The following ADAMTS6 variants were observed in gnomAD, a reference collection of about 807,000 sequenced individuals.
ADAMTS6 encodes ADAM metallopeptidase with thrombospondin type 1 motif 6.
ADAMTS6 carries 23 observed loss-of-function variants against 144.3 expected under a neutral mutation model. The ratio of observed to expected loss-of-function variants is 0.16; its 90% confidence interval spans 0.11 to 0.23. ADAMTS6 has a LOEUF of 0.23. Among genes scored for constraint, ADAMTS6 ranks in the 10% least tolerant of loss-of-function variants. The probability of loss-of-function intolerance (pLI) is 1.00; values close to 1 mark genes in which losing one functional copy is unlikely to be tolerated. For synonymous variants in ADAMTS6, 444 were observed against 457.5 expected, an observed-to-expected ratio of 0.97 and a Z score of 0.38; for missense variants, 999 against 1,379.6, an observed-to-expected ratio of 0.72 and a Z score of 4.37.
intron 7 of ADAMTS6, among the ~76,000 whole-genome samples, chr5:65,418,711 A>G (rs530047996): frequency 3.3e-5 from 5 of 152,332 alleles, no homozygotes; most frequent in African/African-American, 1.2e-4. Context: ...ACAAGAAAAT[A>G]AATAACAGCA....
chr5:65,197,598 TCCC>T (rs1263646889), intron 20 of ADAMTS6, among the ~76,000 whole-genome samples: 1 of 152,172 alleles, frequency 6.6e-6, no homozygotes, highest in East Asian at 1.9e-4. Context: ...GTAGAACAAA[TCCC>T]ATCTATTTAG....
chr5:65,152,168 G>T (rs1368086292), intron 24 of ADAMTS6, among the ~76,000 whole-genome samples: 1 of 152,038 alleles, frequency 6.6e-6, no homozygotes, highest in Non-Finnish European at 1.5e-5. Flanking sequence ...AAAAATGTTT[G>T]CAAGGCTTTC....
At chr5:65,220,715 C>A (rs1159273930) in intron 18 of ADAMTS6, among the ~76,000 whole-genome samples, 2 of 152,026 alleles carry the variant, frequency 1.3e-5, no homozygotes, top group Admixed American at 6.5e-5. Flanking sequence ...CCACTGCACT[C>A]CAGCCTGGGC....
chr5:65,381,869 G>A (rs968738979), intron 7 of ADAMTS6, among the ~76,000 whole-genome samples: 2 of 152,028 alleles, frequency 1.3e-5, no homozygotes, highest in African/African-American at 4.8e-5. Flanking sequence ...CAGAGTAAAA[G>A]CTCACTTGAT....
At chr5:65,349,833 AAC>A (rs1372229130) in intron 7 of ADAMTS6, among the ~76,000 whole-genome samples, 1 of 151,820 alleles carries the variant, frequency 6.6e-6, no homozygotes, top group African/African-American at 2.4e-5. Flanking sequence ...CCAGCTGTGC[AAC>A]AGAGTGAGAC....
chr5:65,272,392 G>A (rs1211590551), intron 12 of ADAMTS6, among the ~76,000 whole-genome samples: 1 of 151,950 alleles, frequency 6.6e-6, no homozygotes, highest in East Asian at 1.9e-4. Flanking sequence ...CTCTCACTTT[G>A]TTGCATAGGA....
rs79190222 is a variant in ADAMTS6 at position 65,152,414 on chromosome 5, G to A, written c.3245-469C>T. Among the ~76,000 whole-genome samples, 1,395 of 152,338 alleles carry A rather than the reference G, an allele frequency of 9.2e-3. 24 individuals carry two copies. Among genetic ancestry groups the A allele is most frequent in the African/African-American group, 0.032 (1,342 of 41,560 alleles). ...GTCTCCAGAGAATCTCTGCATCTGT[G>A]AGGCGTGGGGATGGGCCTGGGTGAA... On this transcript the variant is annotated intron_variant, in intron 24 of 24. Transcript: ENST00000381055.
chr5:65,317,941 G>C (rs1186058837), intron 9 of ADAMTS6, among the ~76,000 whole-genome samples: 5 of 151,910 alleles, frequency 3.3e-5, no homozygotes, highest in Admixed American at 1.3e-4. Flanking sequence ...CGGGTGTGGT[G>C]GTGGGCCCCT....
At chr5:65,437,600 G>T (rs904469514) in intron 7 of ADAMTS6, among the ~76,000 whole-genome samples, 1 of 152,038 alleles carries the variant, frequency 6.6e-6, no homozygotes, top group Non-Finnish European at 1.5e-5. Context: ...TCATCCTTTG[G>T]TATACTCTCA....
Position 65,473,881 on chromosome 5 carries a change from A to C in ADAMTS6, c.-208T>G. ...ATTTTCTCAATCCAAAATGAAAAAA[A>C]TAATGATGGTAAAAGTTTTCATAAG... On this transcript the variant is annotated 5_prime_UTR_variant, in exon 2 of 25. Transcript: ENST00000381055. 1.9e-6 allele frequency: 1 copy of C among 535,302 alleles called. No homozygotes were observed. The highest frequency in any genetic ancestry group is 3.2e-5 in the Admixed American group (1 of 30,920). 33.2% of individuals were successfully genotyped at this position (535,302 alleles called of 1,614,324 possible).
rs556262837 is a variant in ADAMTS6 at position 65,241,921 on chromosome 5, T to A, written c.1933+183A>T. 1.6e-4 allele frequency among the ~76,000 whole-genome samples: 25 copies of A among 152,324 alleles called. No homozygotes were observed. The South Asian group carries it at 5.0e-3, about 30-fold the overall frequency. ...GATCATTTGTACTAATATATAAACC[T>A]TATTACAGGGCAAATAAACCATGAA... is the stretch of plus-strand genomic sequence containing the variant. On this transcript the variant is annotated intron_variant, in intron 15 of 24. Transcript: ENST00000381055.
intron 9 of ADAMTS6, among the ~76,000 whole-genome samples, chr5:65,322,498 A>G (rs1745711605): frequency 6.6e-6 from 1 of 151,068 alleles, no homozygotes; most frequent in African/African-American, 2.4e-5. Context: ...CTTCCTATCC[A>G]TGATCATGGA....
intron 7 of ADAMTS6, among the ~76,000 whole-genome samples, chr5:65,409,215 G>T (rs549850221): frequency 6.6e-6 from 1 of 152,140 alleles, no homozygotes; most frequent in Admixed American, 6.5e-5. Flanking sequence ...TCAGGAGCTG[G>T]TTTTTTTAAA....
chr5:65,343,414 G>A (rs1748042009), intron 7 of ADAMTS6, among the ~76,000 whole-genome samples: 1 of 151,966 alleles, frequency 6.6e-6, no homozygotes, highest in Non-Finnish European at 1.5e-5. Context: ...ATTGATTTTT[G>A]ACAAAGGTGC....
chr5:65,388,011 G>A (rs1006427947), intron 7 of ADAMTS6, among the ~76,000 whole-genome samples: 1 of 110,714 alleles, frequency 9.0e-6, no homozygotes, highest in African/African-American at 3.6e-5. Flanking sequence ...AGGAATTCAA[G>A]ACCAGCCTGG....
chr5:65,214,977 C>G lies in ADAMTS6; in HGVS notation c.2437-45G>C. The stretch of plus-strand genomic sequence containing the variant: ...GTGAAGACAATTAAAATACAATGAG[C>G]CTTCATTCAGATATTTATTATTCCT... On this transcript the variant is annotated intron_variant, in intron 19 of 24. Transcript: ENST00000381055. The surrounding 1 kb of genome is among the most constrained non-coding windows in gnomAD (Gnocchi z 4.6). 1 of 1,572,346 alleles carries G rather than the reference C, an allele frequency of 6.4e-7. No homozygotes were observed. Among genetic ancestry groups the G allele is most frequent in the Non-Finnish European group, 8.6e-7 (1 of 1,160,794 alleles).
At chr5:65,366,386 G>A (rs557500084) in intron 7 of ADAMTS6, among the ~76,000 whole-genome samples, 2 of 152,214 alleles carry the variant, frequency 1.3e-5, no homozygotes, top group East Asian at 3.9e-4. Flanking sequence ...CAATGGGAAG[G>A]AAAAGAAAAT....
chr5:65,347,239 A>G (rs924993759), intron 7 of ADAMTS6, among the ~76,000 whole-genome samples: 1 of 152,002 alleles, frequency 6.6e-6, no homozygotes, highest in Non-Finnish European at 1.5e-5. Flanking sequence ...TCAAATAGCC[A>G]CAGCAACCTT....
intron 7 of ADAMTS6, among the ~76,000 whole-genome samples, chr5:65,440,623 C>T (rs972407498): frequency 5.9e-5 from 9 of 152,096 alleles, no homozygotes; most frequent in African/African-American, 2.2e-4. Context: ...GTGAATCTGG[C>T]TCATATGACG....
Sources: allele counts gnomAD v4.1 joint callset (sites outside exome capture counted in the v4.1 genomes callset), GRCh38; gene constraint gnomAD v4.1.1; non-coding constraint Gnocchi (gnomAD v3.1); transcripts MANE v1.5; gene names NCBI Gene and HGNC (gene_info 2026-07-23, HGNC 2026-07-21).